The following ME2 variants were observed in gnomAD, a reference collection of about 807,000 sequenced individuals.
The protein encoded by ME2 is malic enzyme 2.
Under a neutral mutation model 73.7 loss-of-function variants are expected in ME2, and 60 were observed. The ratio of observed to expected loss-of-function variants is 0.81; its 90% CI spans 0.66 to 1.01. The LOEUF is 1.01. ME2 is among the 50% of genes least tolerant of loss of function. ME2 has a pLI of 0.00. For missense variants in ME2, 594 were observed against 705.5 expected (o/e 0.84, Z 1.79); for synonymous variants, 199 against 236.9 (o/e 0.84, Z 1.47).
chr18:50,884,508 C>G (rs893227310), intron 1 of ME2, among the ~76,000 whole-genome samples: 2 of 151,988 alleles, frequency 1.3e-5, no homozygotes. Flanking sequence ...CCACCATGCC[C>G]GGCTAATTTT....
intron 1 of ME2, among the ~76,000 whole-genome samples, chr18:50,884,230 GT>G (rs1241172071): frequency 8.6e-5 from 13 of 151,780 alleles, no homozygotes; most frequent in Admixed American, 4.6e-4. Flanking sequence ...AATAATATAT[GT>G]TTTATCTTTA....
chr18:50,892,438 T>C (rs912946911), intron 1 of ME2, among the ~76,000 whole-genome samples: 1 of 152,212 alleles, frequency 6.6e-6, no homozygotes, highest in Admixed American at 6.5e-5. Flanking sequence ...GCCTTAGAAC[T>C]GTGGATTGTT....
At chr18:50,939,287 AG>A in intron 13 of ME2, 24 of 271,458 alleles carry the variant, frequency 8.8e-5, no homozygotes, top group Admixed American at 2.5e-4. Context: ...TGGGAACTGG[AG>A]TTAAAACAAG....
intron 2 of ME2, among the ~76,000 whole-genome samples, chr18:50,900,615 A>T (rs1312917815): frequency 6.6e-6 from 1 of 152,144 alleles, no homozygotes; most frequent in Non-Finnish European, 1.5e-5. Context: ...AAAAGTTTTC[A>T]GTTGAGTGAT....
rs1056492991 is a variant in ME2, at chr18:50,953,141, C to T, written c.*5957C>T. 6.6e-6 allele frequency: 1 copy of T among 150,782 alleles called. No individual in the cohort carries two copies. The highest frequency in any genetic ancestry group is 2.5e-5 in the African/African-American group (1 of 40,792). The allele number at this position is 150,782 out of a possible 1,614,324, so 9.3% of individuals were successfully genotyped here. ...CTTTGAGACAGCCTTGCTCTGTCTC[C>T]CAGGCTGGAGTGCAGTGGCGCAATC... On this transcript the variant is annotated 3_prime_UTR_variant, in exon 16 of 16. Transcript: ENST00000321341.
intron 15 of ME2, among the ~76,000 whole-genome samples, chr18:50,942,420 G>A (rs776581056): frequency 9.2e-5 from 14 of 151,928 alleles, no homozygotes; most frequent in African/African-American, 1.2e-4. Flanking sequence ...TTTCTTGACT[G>A]TTCTAAATTG....
chr18:50,942,503 G>A (rs1262005314), intron 15 of ME2, among the ~76,000 whole-genome samples: 2 of 152,016 alleles, frequency 1.3e-5, no homozygotes, highest in Non-Finnish European at 2.9e-5. Flanking sequence ...TGAAATTGTT[G>A]CATTTATAAA....
chr18:50,902,741 C>T (rs1261717233), intron 2 of ME2, among the ~76,000 whole-genome samples: 1 of 152,148 alleles, frequency 6.6e-6, no homozygotes, highest in African/African-American at 2.4e-5. Context: ...TAAAAGTATA[C>T]TTACTTTTAA....
intron 1 of ME2, among the ~76,000 whole-genome samples, chr18:50,894,285 C>T (rs1296468512): frequency 1.3e-5 from 2 of 152,150 alleles, no homozygotes; most frequent in Non-Finnish European, 2.9e-5. Flanking sequence ...CCTTTTTGGC[C>T]GGGCGCGGTG....
At chr18:50,912,720 A>G (rs1917185969) in intron 3 of ME2, 81 bp from the exon 4 acceptor site, 3 of 1,164,292 alleles carry the variant, frequency 2.6e-6, no homozygotes, top group Non-Finnish European at 1.1e-6. Context: ...AATTTTAGAC[A>G]TTTAGGTTTA....
At chr18:50,915,513 A>T (rs1443632688) in intron 4 of ME2, 1 of 152,180 alleles carries the variant, frequency 6.6e-6, no homozygotes, top group Non-Finnish European at 1.5e-5. Flanking sequence ...AAAAGAAAAA[A>T]AATTGTTAGT....
In ME2 at chr18:50,917,422, GGAAAACTTTGT is replaced by G. The variant is rs1206523759; in HGVS notation, c.545_555del (p.Gly182ValfsTer11). The G allele has an allele frequency of 6.2e-7, 1 of 1,613,568 alleles. No homozygotes were observed. Among genetic ancestry groups the G allele is most frequent in the East Asian group, 2.2e-5 (1 of 44,842 alleles). ...TGTCTATGGAATGGGAATTCCAGTAGGAAAACTTTGTTTGTATACAGCTTGTGCAGGAATAC... is the reference window on the plus strand; with the variant it reads ...TGTCTATGGAATGGGAATTCCAGTAGTTGTATACAGCTTGTGCAGGAATAC... On this transcript the variant is annotated frameshift_variant, in exon 6 of 16. Transcript: ENST00000321341. LOFTEE classifies it high-confidence loss of function.
chr18:50,939,837 A>G (rs183890960), intron 14 of ME2, 197 bp downstream of exon 14: 39 of 528,478 alleles, frequency 7.4e-5, no homozygotes, highest in Non-Finnish European at 1.2e-4. Flanking sequence ...TGTAAACTGA[A>G]TCCTCTCGTT....
At chr18:50,941,680 TG>T (rs1917965010) in intron 15 of ME2, among the ~76,000 whole-genome samples, 1 of 82,342 alleles carries the variant, frequency 1.2e-5, no homozygotes, top group East Asian at 3.2e-4. Flanking sequence ...CGGGCTGTGA[TG>T]GTTTTTTTTT....
intron 12 of ME2, 98 bp from the exon 13 acceptor site, chr18:50,932,160 G>C (rs2144256501): frequency 6.8e-6 from 6 of 877,044 alleles, no homozygotes; most frequent in Non-Finnish European, 1.1e-5. Context: ...GTAATATATT[G>C]GTCTATTTTA....
intron 13 of ME2, chr18:50,933,013 T>G (rs951275033): frequency 2.6e-5 from 4 of 152,250 alleles, no homozygotes; most frequent in African/African-American, 9.6e-5. Flanking sequence ...TTAATAATAA[T>G]TGCTTAATAT....
rs139957024 is a variant in ME2, at chr18:50,939,219, A to G, written c.1418-351A>G. Reference sequence around the variant, plus strand: ...TTAAGAGTGAGAGAGAGAAACAATCAGCTAAAAAAAATTGTCATTGCCTCT... The same window carrying G: ...TTAAGAGTGAGAGAGAGAAACAATCGGCTAAAAAAAATTGTCATTGCCTCT... On this transcript the variant is annotated intron_variant, in intron 13 of 15. Transcript: ENST00000321341. The G allele has an allele frequency of 3.8e-3, 630 of 163,844 alleles. 10 individuals are homozygous for G. The East Asian group carries it at 0.05, about 13-fold the overall frequency. 10.1% of individuals were successfully genotyped at this position (163,844 alleles called of 1,614,324 possible).
intron 1 of ME2, among the ~76,000 whole-genome samples, chr18:50,886,250 T>C (rs1178329452): frequency 6.6e-6 from 1 of 151,606 alleles, no homozygotes; most frequent in Non-Finnish European, 1.5e-5. Context: ...AGTTAGATTT[T>C]TTTTTTTTTT....
chr18:50,914,863 C>T (rs1917247163), intron 4 of ME2, among the ~76,000 whole-genome samples: 3 of 152,110 alleles, frequency 2.0e-5, no homozygotes, highest in African/African-American at 4.8e-5. Flanking sequence ...TCCTTCTCTC[C>T]CTTCCTTCTT....
Sources: allele counts gnomAD v4.1 joint callset (sites outside exome capture counted in the v4.1 genomes callset), GRCh38; gene constraint gnomAD v4.1.1; transcripts MANE v1.5; gene names NCBI Gene and HGNC (gene_info 2026-07-23, HGNC 2026-07-21).